ERICH1: variants seen among roughly 807,000 people sequenced by gnomAD.
ERICH1 encodes the protein glutamate-rich protein 1.
In ERICH1, 56 loss-of-function variants were observed where a neutral mutation model predicts 39.6. The ratio of observed to expected loss-of-function variants is 1.41; its 90% confidence interval spans 1.14 to 1.77. ERICH1 has a LOEUF of 1.77. ERICH1 is among the 40% of genes most tolerant of loss of function. ERICH1 has a pLI of 0.00. For synonymous variants in ERICH1, 313 were observed against 223.6 expected (o/e 1.40, Z -3.57); for missense variants, 826 against 575.4 (o/e 1.44, Z -4.45).
intron 2 of ERICH1, among the ~76,000 whole-genome samples, chr8:693,959 G>A (rs561795265): frequency 8.6e-5 from 13 of 151,982 alleles, no homozygotes; most frequent in East Asian, 5.8e-4. Context: ...CAAACTGTCC[G>A]ACACTGGGCA....
intron 2 of ERICH1, among the ~76,000 whole-genome samples, chr8:708,353 T>C (rs778207806): frequency 6.6e-6 from 1 of 152,198 alleles, no homozygotes; most frequent in African/African-American, 2.4e-5. Flanking sequence ...GCATGGATTC[T>C]CATAGCAATG....
intron 2 of ERICH1, among the ~76,000 whole-genome samples, chr8:698,728 T>G (rs138689520): frequency 9.2e-5 from 14 of 152,134 alleles, no homozygotes; most frequent in African/African-American, 3.4e-4. Flanking sequence ...TCCTCCCTCC[T>G]TGGCCTCCTA....
chr8:640,147 C>A (rs140026173), intron 3 of ERICH1, among the ~76,000 whole-genome samples: 70 of 152,312 alleles, frequency 4.6e-4, no homozygotes, highest in African/African-American at 1.6e-3. Context: ...AGTGGCAGAA[C>A]TGGGAGATAA....
At chr8:658,038 TGA>T (rs1359406722) in intron 3 of ERICH1, among the ~76,000 whole-genome samples, 8 of 152,182 alleles carry the variant, frequency 5.3e-5, no homozygotes, top group Non-Finnish European at 1.2e-4. Flanking sequence ...GGACCATGTT[TGA>T]GAGAGAGGCT....
chr8:709,571 T>C (rs1814232326), intron 2 of ERICH1, among the ~76,000 whole-genome samples: 1 of 152,208 alleles, frequency 6.6e-6, no homozygotes, highest in Non-Finnish European at 1.5e-5. Flanking sequence ...ATTTTGACTT[T>C]TAATTCAACA....
intron 3 of ERICH1, among the ~76,000 whole-genome samples, chr8:622,362 G>T (rs906245961): frequency 6.6e-6 from 1 of 152,152 alleles, no homozygotes; most frequent in Admixed American, 6.5e-5. Flanking sequence ...AGGTCATGAG[G>T]GCCCTGTGAA....
Position 731,207 on chromosome 8 carries a change from C to A in ERICH1, c.-46G>T. On this transcript the variant is annotated 5_prime_UTR_variant, in exon 1 of 6. Transcript: ENST00000262109. Reference sequence around the variant, plus strand: ...TCAGACCACGGCGCGCGGTCCTGAGCTGAGCGCCGTGCCTTCCGGGTTCCG... The same window carrying A: ...TCAGACCACGGCGCGCGGTCCTGAGATGAGCGCCGTGCCTTCCGGGTTCCG... The A allele has an allele frequency of 1.4e-6, 2 of 1,432,336 alleles. No homozygotes were observed. The highest frequency in any genetic ancestry group is 1.8e-6 in the Non-Finnish European group (2 of 1,095,170). 88.7% of individuals were successfully genotyped at this position (1,432,336 alleles called of 1,614,324 possible).
intron 3 of ERICH1, among the ~76,000 whole-genome samples, chr8:643,299 G>C (rs990454084): frequency 6.6e-6 from 1 of 151,996 alleles, no homozygotes; most frequent in Non-Finnish European, 1.5e-5. Context: ...GGCTGTGCTC[G>C]CAGGGACGGG....
At chr8:616,507 G>C (rs1468735500) in intron 3 of ERICH1, 4 of 455,946 alleles carry the variant, frequency 8.8e-6, no homozygotes, top group East Asian at 7.0e-5. Context: ...CTGCTCCCAG[G>C]AATTTGGAGT....
At position 664,604 on chromosome 8, in the gene ERICH1, T is replaced by C. The variant is rs374813242; in HGVS notation, c.1331A>G (p.Ter444=). The part of the protein sequence containing the change: ...THILPEKSSD[*] The stretch of plus-strand genomic sequence containing the variant: ...CTGTTCTTAAAGAGATATTCCATTT[T>C]AGTCACTGCTCTTCTCAGGAAGGAT... Residue 444 remains the stop codon, a stop_retained_variant, in exon 6 of 6, where the codon TAA becomes TGA. Transcript: ENST00000262109. The C allele has an allele frequency of 1.1e-5, 17 of 1,608,314 alleles. No homozygotes were observed. The highest frequency in any genetic ancestry group is 9.4e-5 in the African/African-American group (7 of 74,730).
intron 4 of ERICH1, among the ~76,000 whole-genome samples, chr8:671,353 A>C (rs1703933): frequency 1.8e-3 from 179 of 98,934 alleles, no homozygotes; most frequent in African/African-American, 3.1e-3. Flanking sequence ...CTCCAGGCTG[A>C]GACCTCTGAA....
chr8:699,102 G>T (rs1408971551), intron 2 of ERICH1, among the ~76,000 whole-genome samples: 5 of 151,910 alleles, frequency 3.3e-5, no homozygotes, highest in African/African-American at 1.2e-4. Flanking sequence ...GCAACACAGG[G>T]AAACCCTGTC....
At chr8:654,356 C>T (rs569982687) in intron 3 of ERICH1, among the ~76,000 whole-genome samples, 40 of 152,194 alleles carry the variant, frequency 2.6e-4, no homozygotes, top group African/African-American at 9.6e-4. Context: ...GAAGCTCCTT[C>T]AGAGGCTTGG....
chr8:629,173 C>G (rs948252166), intron 3 of ERICH1, among the ~76,000 whole-genome samples: 2 of 152,160 alleles, frequency 1.3e-5, no homozygotes, highest in African/African-American at 4.8e-5. Context: ...TCATACGGTC[C>G]CACCCAGCAC....
At chr8:653,730 A>T (rs1458852409) in intron 3 of ERICH1, among the ~76,000 whole-genome samples, 1 of 152,178 alleles carries the variant, frequency 6.6e-6, no homozygotes, top group African/African-American at 2.4e-5. Flanking sequence ...AACACGAGGA[A>T]CCCTGAGGAT....
chr8:622,196 T>C (rs1315405960), intron 3 of ERICH1, among the ~76,000 whole-genome samples: 2 of 152,180 alleles, frequency 1.3e-5, no homozygotes, highest in Non-Finnish European at 2.9e-5. Context: ...TACTCCATCC[T>C]GGGTGACAGA....
rs182989361 is a variant in ERICH1 at position 658,348 on chromosome 8, G to A, written c.976+10250C>T. ...TGGGCCTCCCGGGAGGTGGGTTACT[G>A]TGAGCCCTGTGGGGTGGTCAGGCCA... On this transcript the variant is annotated intron_variant, in intron 3 of 3. Transcript: ENST00000522706. Among the ~76,000 whole-genome samples, 1,502 of 152,212 alleles carry A rather than the reference G, an allele frequency of 9.9e-3. 9 individuals carry two copies. The highest frequency in any genetic ancestry group is 0.017 in the Non-Finnish European group (1,129 of 68,028).
At chr8:715,822 C>T (rs958264214) in intron 2 of ERICH1, 39 bp downstream of exon 2, 1 of 1,579,878 alleles carries the variant, frequency 6.3e-7, no homozygotes, top group African/African-American at 1.4e-5. Context: ...AGGTTAACTT[C>T]AGTTTCTGAG....
intron 2 of ERICH1, among the ~76,000 whole-genome samples, chr8:707,865 G>C (rs747371811): frequency 3.3e-5 from 5 of 152,170 alleles, no homozygotes; most frequent in Non-Finnish European, 5.9e-5. Context: ...GATAACTCAT[G>C]GTATGGAAGA....
Sources: allele counts gnomAD v4.1 joint callset (sites outside exome capture counted in the v4.1 genomes callset), GRCh38; gene constraint gnomAD v4.1.1; transcripts MANE v1.5; gene names NCBI Gene and HGNC (gene_info 2026-07-23, HGNC 2026-07-21).